Variants in SF3A3 observed in about 807,000 individuals in gnomAD.
SF3A3 encodes SAP 61.
Under a neutral mutation model 85.8 loss-of-function variants are expected in SF3A3, and 9 were observed. That is an observed-to-expected ratio of 0.10 (90% confidence interval 0.06 to 0.18). The LOEUF is 0.18. Among genes scored for constraint, SF3A3 ranks in the 10% least tolerant of loss-of-function variants. SF3A3 has a pLI of 1.00. For synonymous variants in SF3A3, 195 were observed against 204.4 expected (o/e 0.95, Z 0.39); for missense variants, 306 against 593.3 (o/e 0.52, Z 5.03).
intron 16 of SF3A3, among the ~76,000 whole-genome samples, chr1:37,959,064 A>G (rs1295590099): frequency 6.7e-6 from 1 of 150,114 alleles, no homozygotes; most frequent in Non-Finnish European, 1.5e-5. Flanking sequence ...CCCACTTGCC[A>G]TTTCAACTTT....
Position 37,958,005 on chromosome 1 carries a change from A to C in SF3A3, c.*181T>G. ...TTCTGGCAGAATCTTTTAAAATATA[A>C]AACAGATAAAACACATCTCAACCCT... On this transcript the variant is annotated 3_prime_UTR_variant, in exon 17 of 17. Coordinates refer to ENST00000373019, the MANE Select transcript of SF3A3 (RefSeq NM_006802.4). 1.7e-6 allele frequency: 1 copy of C among 574,696 alleles called. No homozygotes were observed. Among genetic ancestry groups the C allele is most frequent in the Non-Finnish European group, 3.1e-6 (1 of 321,678 alleles). 35.6% of individuals were successfully genotyped at this position (574,696 alleles called of 1,614,324 possible). A position where few individuals can be genotyped will look rare whatever the true frequency, so the allele number is the denominator to read the frequency against.
Position 37,969,341 on chromosome 1 carries a change from C to T in SF3A3, c.1281+13G>A. 1 of 1,590,646 alleles carries T rather than the reference C, an allele frequency of 6.3e-7. No homozygotes were observed. Among genetic ancestry groups the T allele is most frequent in the Non-Finnish European group, 8.6e-7 (1 of 1,160,432 alleles). On this transcript the variant is annotated intron_variant, in intron 14 of 16. Transcript: ENST00000373019. ...ACTTCAATTCCCAGGAAAAATGGCT[C>T]TGAATTCCTTACAGCAAAGTGTCGC...
At position 37,969,409 on chromosome 1, in the gene SF3A3, T is replaced by G. The variant is rs768639207; in HGVS notation, c.1226A>C (p.Glu409Ala). 1 of 1,612,804 alleles carries G rather than the reference T, an allele frequency of 6.2e-7. No individual in the cohort carries two copies. Among genetic ancestry groups the G allele is most frequent in the South Asian group, 1.1e-5 (1 of 91,010 alleles). ...TCGGTAGGTGTAGTTTCCACAAATC[T>G]CACAGTTGTAGTTGATATTTAGGCC... is the stretch of plus-strand genomic sequence containing the variant. ...LHGLNINYNCEICGNYTYRGP... is the reference protein window; with the variant it reads ...LHGLNINYNCAICGNYTYRGP... Residue 409 changes from glutamate (E) to alanine (A), a missense_variant, in exon 14 of 17, where the codon GAG (glutamate) becomes GCG (alanine). By Grantham distance (107) the Glu-to-Ala change is moderately radical. Around this residue, in one of 4 missense-constraint regions of SF3A3, gnomAD observed 136 missense variants for 296.6 expected, o/e 0.46. Transcript: ENST00000373019.
intron 3 of SF3A3, 45 bp downstream of exon 3, chr1:37,987,739 T>G: frequency 6.2e-7 from 1 of 1,601,802 alleles, no homozygotes; most frequent in Non-Finnish European, 8.6e-7. Flanking sequence ...TAACCATGGC[T>G]CCTCAGAAGC....
chr1:37,980,525 A>C, intron 8 of SF3A3, 61 bp downstream of exon 8: 3 of 1,571,302 alleles, frequency 1.9e-6, no homozygotes. Context: ...GCTCAAGATA[A>C]AGGAAAATAA....
At chr1:37,989,327 C>A (rs1646478243) in intron 2 of SF3A3, among the ~76,000 whole-genome samples, 1 of 151,912 alleles carries the variant, frequency 6.6e-6, no homozygotes, top group African/African-American at 2.4e-5. Flanking sequence ...AAAAAGGGCA[C>A]CTTTCTGATT....
intron 16 of SF3A3, 69 bp downstream of exon 16, chr1:37,960,051 C>T: frequency 1.6e-6 from 2 of 1,247,808 alleles, no homozygotes; most frequent in East Asian, 4.7e-5. Flanking sequence ...CTTTCACCTC[C>T]TTTCTACATG....
chr1:37,963,052 C>A lies in SF3A3; in HGVS notation c.1373-2877G>T, dbSNP rs907888502. 2.7e-5 allele frequency among the ~76,000 whole-genome samples: 4 copies of A among 150,558 alleles called. No homozygotes were observed. In the East Asian group the frequency reaches 7.8e-4, roughly 29 times the overall value. On this transcript the variant is annotated intron_variant, in intron 15 of 16. Transcript: ENST00000373019. ...GCAATGAGTGGAGATCGCGCCACTG[C>A]ACTCTAGCCTGAGCAACAGAGCGAG...
At position 37,989,531 on chromosome 1, in the gene SF3A3, G is replaced by A. The variant is rs764281799; in HGVS notation, c.144+17C>T. On this transcript the variant is annotated intron_variant, in intron 2 of 16. Transcript: ENST00000373019. ...GCCCTCGCCAACCCAAAGAGAGGCA[G>A]ACAGCTGGGCACTCACATCTTGCAT... 1.9e-6 allele frequency: 3 copies of A among 1,612,012 alleles called. No homozygotes were observed. In the African/African-American group the frequency reaches 4.0e-5, roughly 22 times the overall value.
chr1:37,973,751 A>G (rs1207419588), intron 12 of SF3A3, among the ~76,000 whole-genome samples: 1 of 152,218 alleles, frequency 6.6e-6, no homozygotes, highest in African/African-American at 2.4e-5. Flanking sequence ...AAAGGATTGT[A>G]AATAATGCTG....
At chr1:37,979,238 T>C (rs1036657639) in intron 9 of SF3A3, 183 bp from the exon 10 acceptor site, 16 of 626,588 alleles carry the variant, frequency 2.6e-5, no homozygotes, top group Non-Finnish European at 4.6e-5. Flanking sequence ...TTAACCATAC[T>C]GATAGTGTTC....
Position 37,981,726 on chromosome 1 carries a change from T to C in SF3A3, c.551+3A>G, listed in dbSNP as rs371804330. ...GAGAGGCCTAGAAACTATTAATGCCTACCTCTTATACTCTGCATTCTTCCT... is the reference window on the plus strand; with the variant it reads ...GAGAGGCCTAGAAACTATTAATGCCCACCTCTTATACTCTGCATTCTTCCT... On this transcript the variant is annotated splice_donor_region_variant and intron_variant, in intron 7 of 16. Transcript: ENST00000373019. The C allele has an allele frequency of 1.2e-5, 19 of 1,520,156 alleles. No homozygotes were observed. Among genetic ancestry groups the C allele is most frequent in the East Asian group, 1.1e-4 (5 of 44,310 alleles). The allele number at this position is 1,520,156 out of a possible 1,614,324, so 94.2% of individuals were successfully genotyped here. A position where few individuals can be genotyped will look rare whatever the true frequency, so the allele number is the denominator to read the frequency against.
At chr1:37,984,284 G>A (rs1361425189) in intron 5 of SF3A3, 24 bp from the exon 6 acceptor site, 11 of 1,384,752 alleles carry the variant, frequency 7.9e-6, no homozygotes, top group Non-Finnish European at 1.1e-5. Flanking sequence ...ATACATCAAT[G>A]ATTCAGTTTC....
rs759871627 is a variant in SF3A3, at chr1:37,968,015, C to T, written c.1372+29G>A. 4 of 1,418,982 alleles carry T rather than the reference C, an allele frequency of 2.8e-6. No individual in the cohort carries two copies. In the East Asian group the frequency reaches 9.1e-5, roughly 32 times the overall value. 87.9% of individuals were successfully genotyped at this position (1,418,982 alleles called of 1,614,324 possible). A position where few individuals can be genotyped will look rare whatever the true frequency, so the allele number is the denominator to read the frequency against. On this transcript the variant is annotated intron_variant, in intron 15 of 16. Coordinates refer to ENST00000373019, the MANE Select transcript of SF3A3 (RefSeq NM_006802.4). ...AAGGAGTAGAGCCATTTGTACTCGC[C>T]TAGGAGACAGTAAATAAATCTTACT...
At chr1:37,974,837 T>C (rs565882611) in intron 12 of SF3A3, among the ~76,000 whole-genome samples, 46 of 152,320 alleles carry the variant, frequency 3.0e-4, no homozygotes, top group Admixed American at 1.4e-3. Context: ...CCACACACAC[T>C]GCATTTCTCA....
intron 12 of SF3A3, among the ~76,000 whole-genome samples, chr1:37,971,561 A>C (rs755106818): frequency 1.3e-5 from 2 of 152,220 alleles, no homozygotes; most frequent in Non-Finnish European, 2.9e-5. Context: ...CAAAAAAAAG[A>C]GAATTTTAGA....
At chr1:37,962,250 C>T (rs1377945541) in intron 15 of SF3A3, among the ~76,000 whole-genome samples, 3 of 112,484 alleles carry the variant, frequency 2.7e-5, no homozygotes, top group African/African-American at 1.1e-4. Context: ...AAGAATCTAA[C>T]CAAGAATTCA....
At chr1:37,988,938 A>C (rs1439273310) in intron 2 of SF3A3, among the ~76,000 whole-genome samples, 1 of 150,704 alleles carries the variant, frequency 6.6e-6, no homozygotes, top group Non-Finnish European at 1.5e-5. Context: ...TATGCACCTG[A>C]GTCATGGACT....
chr1:37,972,061 CA>C, intron 12 of SF3A3, among the ~76,000 whole-genome samples: 1 of 152,292 alleles, frequency 6.6e-6, no homozygotes, highest in African/African-American at 2.4e-5. Flanking sequence ...AAAAGGAAGT[CA>C]AATTGTCCCT....
Sources: allele counts gnomAD v4.1 joint callset (sites outside exome capture counted in the v4.1 genomes callset), GRCh38; gene constraint gnomAD v4.1.1; regional missense constraint gnomAD v4.1.1; transcripts MANE v1.5; gene names NCBI Gene and HGNC (gene_info 2026-07-23, HGNC 2026-07-21).